SNTG1: variants seen among roughly 807,000 people sequenced by gnomAD.
SNTG1 encodes the protein gamma-1-syntrophin.
Under a neutral mutation model 74.7 loss-of-function variants are expected in SNTG1, and 39 were observed. The ratio of observed to expected loss-of-function variants is 0.52; its 90% confidence interval spans 0.40 to 0.68. SNTG1 has a LOEUF of 0.68. SNTG1 is among the 30% of genes least tolerant of loss of function. SNTG1 has a pLI of 0.00. For missense variants in SNTG1, 685 were observed against 609.5 expected, an observed-to-expected ratio of 1.12 and a Z score of -1.30; for synonymous variants, 254 against 217.1, an observed-to-expected ratio of 1.17 and a Z score of -1.49.
At chr8:50,577,108 G>A (rs943563756) in intron 12 of SNTG1, among the ~76,000 whole-genome samples, 2 of 152,144 alleles carry the variant, frequency 1.3e-5, no homozygotes, top group African/African-American at 2.4e-5. Context: ...ATTCCCTGGC[G>A]GTTTTTATGT....
chr8:50,235,443 G>A (rs2085840142), intron 2 of SNTG1, among the ~76,000 whole-genome samples: 1 of 152,016 alleles, frequency 6.6e-6, no homozygotes, highest in Non-Finnish European at 1.5e-5. Flanking sequence ...AAAACATCAT[G>A]TTGTACATGA....
chr8:50,142,475 T>TTATATA lies in SNTG1; in HGVS notation c.-102-30070_-102-30065dup, dbSNP rs10552210. ...TAACACAAACCTGCAATTAAAAAGATTATATATATATATATATATATTTGG... is the reference window on the plus strand; with the variant it reads ...TAACACAAACCTGCAATTAAAAAGATTATATATATATATATATATATATATATTTGG... On this transcript the variant is annotated intron_variant, in intron 1 of 18. Coordinates refer to ENST00000642720, the MANE Select transcript of SNTG1 (RefSeq NM_018967.5). Among the ~76,000 whole-genome samples, 250 of 147,258 alleles carry TTATATA rather than the reference T, an allele frequency of 1.7e-3. 3 individuals are homozygous for TTATATA. In the East Asian group the frequency reaches 0.045, roughly 26 times the overall value.
chr8:50,101,271 T>C (rs899470115), intron 1 of SNTG1, among the ~76,000 whole-genome samples: 1 of 152,070 alleles, frequency 6.6e-6, no homozygotes, highest in African/African-American at 2.4e-5. Flanking sequence ...TGGTAGAAAA[T>C]TAATATTCCT....
chr8:50,490,582 T>G (rs556350096), intron 8 of SNTG1, among the ~76,000 whole-genome samples: 5 of 152,348 alleles, frequency 3.3e-5, no homozygotes, highest in African/African-American at 1.2e-4. Flanking sequence ...ATTATTGGTG[T>G]ACAGGAATGC....
chr8:50,020,073 C>T lies in SNTG1; in HGVS notation c.-103+107842C>T, dbSNP rs1432116629. ...TAATTGAGCCTTTTGTGCCACTATA[C>T]TCTATCTTCAGCATGGGATTCCCCA... On this transcript the variant is annotated intron_variant, in intron 1 of 18. Transcript: ENST00000642720. Among the ~76,000 whole-genome samples the T allele has an allele frequency of 2.6e-5, 4 of 152,240 alleles. No homozygotes were observed. In the East Asian group the frequency reaches 7.7e-4, roughly 29 times the overall value.
At chr8:50,532,601 G>T (rs115902374) in intron 10 of SNTG1, among the ~76,000 whole-genome samples, 1 of 152,212 alleles carries the variant, frequency 6.6e-6, no homozygotes, top group Non-Finnish European at 1.5e-5. Context: ...TAATCAGACC[G>T]TGCAGGCTTG....
chr8:50,567,451 G>T (rs1025617253), intron 12 of SNTG1, among the ~76,000 whole-genome samples: 1 of 151,806 alleles, frequency 6.6e-6, no homozygotes, highest in Non-Finnish European at 1.5e-5. Context: ...GATATATTTT[G>T]TTACTTTGAA....
At chr8:50,484,213 C>T (rs867623824) in intron 8 of SNTG1, among the ~76,000 whole-genome samples, 51 of 109,004 alleles carry the variant, frequency 4.7e-4, no homozygotes, top group African/African-American at 1.7e-3. Flanking sequence ...TCCTTCCTTC[C>T]TTCTTTCTTT....
chr8:49,943,286 C>T (rs888021492), intron 1 of SNTG1, among the ~76,000 whole-genome samples: 4 of 106,044 alleles, frequency 3.8e-5, no homozygotes, highest in Non-Finnish European at 9.4e-5. Context: ...AGGGATCCTT[C>T]GATCTAGTGG....
chr8:50,782,749 G>A (rs2095663434), intron 18 of SNTG1, among the ~76,000 whole-genome samples: 1 of 152,182 alleles, frequency 6.6e-6, no homozygotes, highest in African/African-American at 2.4e-5. Flanking sequence ...TGCTGGTGAG[G>A]AGCTGCGTTC....
chr8:50,217,509 T>C (rs4873137), intron 2 of SNTG1, among the ~76,000 whole-genome samples: 65,442 of 151,958 alleles, frequency 0.43, 17,848 homozygotes, highest in African/African-American at 0.78. Context: ...ACCTTAAGTC[T>C]GTATACTGAA....
At chr8:50,564,947 A>C (rs1366704132) in intron 12 of SNTG1, among the ~76,000 whole-genome samples, 1 of 152,078 alleles carries the variant, frequency 6.6e-6, no homozygotes, top group East Asian at 1.9e-4. Flanking sequence ...ACAACTTTGG[A>C]GTGGACAAAC....
At chr8:50,330,737 G>C (rs1237199301) in intron 2 of SNTG1, among the ~76,000 whole-genome samples, 1 of 152,200 alleles carries the variant, frequency 6.6e-6, no homozygotes, top group Admixed American at 6.5e-5. Context: ...AATCATGGAA[G>C]AAGGGGAAGG....
At chr8:49,938,178 C>G (rs553601701) in intron 1 of SNTG1, among the ~76,000 whole-genome samples, 1 of 152,154 alleles carries the variant, frequency 6.6e-6, no homozygotes, top group East Asian at 1.9e-4. Context: ...CCACAACTGA[C>G]CATGTAATTC....
At chr8:49,926,003 A>G (rs544314723) in intron 1 of SNTG1, among the ~76,000 whole-genome samples, 23 of 152,314 alleles carry the variant, frequency 1.5e-4, no homozygotes, top group Admixed American at 5.2e-4. Flanking sequence ...AGGTAGGTAG[A>G]CCAGGTACTA....
chr8:50,658,538 A>G (rs560114306), intron 14 of SNTG1, 54 bp from the exon 15 acceptor site: 1 of 1,274,650 alleles, frequency 7.8e-7, no homozygotes, highest in South Asian at 1.3e-5. Flanking sequence ...AATCAAATAC[A>G]GTGGTAAATA....
At chr8:49,953,380 C>T (rs1809895675) in intron 1 of SNTG1, among the ~76,000 whole-genome samples, 1 of 152,104 alleles carries the variant, frequency 6.6e-6, no homozygotes, top group Non-Finnish European at 1.5e-5. Flanking sequence ...CCTCATTGTC[C>T]TCTGTCCTTC....
At chr8:50,353,028 G>A (rs879354358) in intron 2 of SNTG1, among the ~76,000 whole-genome samples, 9 of 152,054 alleles carry the variant, frequency 5.9e-5, no homozygotes, top group Non-Finnish European at 1.0e-4. Context: ...ATGATAGACT[G>A]GATTAAGAAA....
intron 2 of SNTG1, among the ~76,000 whole-genome samples, chr8:50,198,909 C>T (rs894660186): frequency 2.0e-5 from 3 of 152,136 alleles, no homozygotes; most frequent in Non-Finnish European, 2.9e-5. Context: ...GTCCTACTTC[C>T]AGTGCTTGTT....
Sources: gnomAD v4.1 joint callset for allele counts (sites outside exome capture counted in the v4.1 genomes callset) on GRCh38, gnomAD v4.1.1 for gene constraint, MANE v1.5 for transcripts, NCBI Gene and HGNC (gene_info 2026-07-23, HGNC 2026-07-21) for gene names.